ZC4H2: variants seen among roughly 807,000 people sequenced by gnomAD.
ZC4H2 encodes the protein zinc finger C4H2-type containing.
For synonymous variants in ZC4H2, 84 were observed against 66.3 expected (o/e 1.27, Z -1.30); for missense variants, 137 against 173.9 (o/e 0.79, Z 1.19).
rs755622188 is a variant in ZC4H2 at position 65,030,300 on chromosome X, T to C, written c.-272+4329A>G. Among the ~76,000 whole-genome samples, 3 of 109,949 alleles carry C rather than the reference T, an allele frequency of 2.7e-5. No individual in the cohort carries two copies. The Admixed American group carries it at 2.9e-4, about 11-fold the overall frequency. ...ACCCAGCTAATTTTTGTATTTTTTT[T>C]TGTACAGACCGGGTTTTGCTACATT... On this transcript the variant is annotated intron_variant, in intron 1 of 4. Transcript: ENST00000337990.
chrX:64,934,301 A>G (rs973618870), intron 1 of ZC4H2, among the ~76,000 whole-genome samples: 1 of 112,470 alleles, frequency 8.9e-6, no homozygotes, highest in African/African-American at 3.2e-5. Context: ...GGGCCTGAAG[A>G]TTCAATTTTT....
At chrX:64,949,765 T>C (rs1930704276) in intron 1 of ZC4H2, among the ~76,000 whole-genome samples, 1 of 111,532 alleles carries the variant, frequency 9.0e-6, no homozygotes, top group Admixed American at 9.5e-5. Context: ...TTGCTATCGG[T>C]CCATCAATTT....
At chrX:64,986,205 A>C (rs1476355911) in intron 1 of ZC4H2, among the ~76,000 whole-genome samples, 1 of 112,567 alleles carries the variant, frequency 8.9e-6, no homozygotes, top group East Asian at 2.8e-4. Flanking sequence ...GATCAAAGAA[A>C]TGCAACAAGA....
At chrX:64,987,768 T>A (rs1175153879) in intron 1 of ZC4H2, among the ~76,000 whole-genome samples, 1 of 108,604 alleles carries the variant, frequency 9.2e-6, no homozygotes, top group African/African-American at 3.4e-5. Context: ...AGTTTTAGGG[T>A]ACATGTGCAC....
chrX:64,988,603 T>A (rs1337834852), intron 1 of ZC4H2, among the ~76,000 whole-genome samples: 3 of 111,222 alleles, frequency 2.7e-5, no homozygotes, highest in Non-Finnish European at 5.7e-5. Flanking sequence ...CTTATAAATT[T>A]GAATTCATTG....
intron 1 of ZC4H2, among the ~76,000 whole-genome samples, chrX:64,936,511 G>A (rs781756490): frequency 9.0e-6 from 1 of 111,665 alleles, no homozygotes; most frequent in East Asian, 2.8e-4. Flanking sequence ...AAATGTTAAG[G>A]GAAGCCAGAG....
chrX:65,028,235 T>C (rs1278835208), intron 1 of ZC4H2, among the ~76,000 whole-genome samples: 1 of 111,409 alleles, frequency 9.0e-6, no homozygotes, highest in Non-Finnish European at 1.9e-5. Context: ...GAAGAGGATA[T>C]ACAAATTCAT....
Position 64,916,504 on chromosome X carries a change from A to G in ZC4H2, c.*1279T>C, listed in dbSNP as rs988351448. On this transcript the variant is annotated 3_prime_UTR_variant, in exon 5 of 5. Transcript: ENST00000374839. Reference sequence around the variant, plus strand: ...TCTTACTTTCAAAGAGCAGAGGAACATTTTATATAGTGAACACATACACAC... The same window carrying G: ...TCTTACTTTCAAAGAGCAGAGGAACGTTTTATATAGTGAACACATACACAC... 9 of 112,300 alleles carry G rather than the reference A, an allele frequency of 8.0e-5. No homozygotes were observed. The highest frequency in any genetic ancestry group is 3.8e-5 in the Non-Finnish European group (2 of 53,256). 9.3% of individuals were successfully genotyped at this position (112,300 alleles called of 1,213,427 possible). A position where few individuals can be genotyped will look rare whatever the true frequency, so the allele number is the denominator to read the frequency against.
intron 1 of ZC4H2, among the ~76,000 whole-genome samples, chrX:64,972,982 A>T (rs1418265188): frequency 8.9e-6 from 1 of 111,914 alleles, no homozygotes; most frequent in African/African-American, 3.2e-5. Context: ...CTTTTGGAAC[A>T]CACACATTTG....
chrX:64,928,653 T>A (rs950608881), intron 1 of ZC4H2, among the ~76,000 whole-genome samples: 1 of 96,533 alleles, frequency 1.0e-5, no homozygotes, highest in African/African-American at 3.7e-5. Context: ...TTCTTCTTCT[T>A]CTTCTTCTTC....
At chrX:64,946,123 C>T (rs1215829577) in intron 1 of ZC4H2, among the ~76,000 whole-genome samples, 1 of 109,532 alleles carries the variant, frequency 9.1e-6, no homozygotes, top group Non-Finnish European at 1.9e-5. Context: ...GTGCCCCTGG[C>T]GTGTGGGAAA....
intron 1 of ZC4H2, among the ~76,000 whole-genome samples, chrX:65,011,428 G>A (rs982227185): frequency 1.2e-4 from 13 of 111,382 alleles, no homozygotes; most frequent in African/African-American, 3.9e-4. Context: ...TGGATTTAGC[G>A]AGGCCCTGGG....
intron 1 of ZC4H2, among the ~76,000 whole-genome samples, chrX:65,016,120 C>A (rs961735401): frequency 9.0e-6 from 1 of 111,548 alleles, no homozygotes; most frequent in Non-Finnish European, 1.9e-5. Context: ...CTGTTAATTG[C>A]CTTCCTAATA....
rs1414882527 is a variant in ZC4H2, at chrX:64,944,219, C to T, written c.54-22231G>A. On this transcript the variant is annotated intron_variant, in intron 1 of 4. Coordinates refer to ENST00000374839, the MANE Select transcript of ZC4H2 (RefSeq NM_018684.4). ...GCAGTGGCGTGATCTCAGCTCACTG[C>T]AAGCGCTGCCTCTCAGGTTCATGCC... 3.9e-5 allele frequency among the ~76,000 whole-genome samples: 4 copies of T among 103,474 alleles called. No homozygotes were observed. In the Admixed American group the frequency reaches 4.2e-4, roughly 11 times the overall value. 89.9% of individuals were successfully genotyped at this position (103,474 alleles called of 115,157 possible).
chrX:64,938,706 A>G (rs1930131096), intron 1 of ZC4H2, among the ~76,000 whole-genome samples: 1 of 112,184 alleles, frequency 8.9e-6, no homozygotes, highest in East Asian at 2.8e-4. Flanking sequence ...ATCTCACTAG[A>G]TGCAGAAAAG....
intron 1 of ZC4H2, among the ~76,000 whole-genome samples, chrX:64,936,099 C>T (rs1270930585): frequency 9.1e-6 from 1 of 109,480 alleles, no homozygotes; most frequent in Non-Finnish European, 1.9e-5. Context: ...GGGATAAAAA[C>T]CATGGCACAA....
intron 1 of ZC4H2, among the ~76,000 whole-genome samples, chrX:65,018,297 G>A (rs1437176895): frequency 2.7e-5 from 3 of 112,485 alleles, no homozygotes; most frequent in Admixed American, 9.4e-5. Context: ...GACACAGAAG[G>A]TGGGTGATTT....
chrX:64,918,070 C>A, intron 4 of ZC4H2, 174 bp from the exon 5 acceptor site: 1 of 521,220 alleles, frequency 1.9e-6, no homozygotes, highest in South Asian at 3.9e-5. Flanking sequence ...GAAGGAAGGA[C>A]ATAACCCAGT....
chrX:64,918,893 C>G, intron 4 of ZC4H2, 149 bp downstream of exon 4: 1 of 686,230 alleles, frequency 1.5e-6, no homozygotes. Context: ...ACACAGCACA[C>G]CCATGTCACC....
Sources: gnomAD v4.1 joint callset for allele counts (sites outside exome capture counted in the v4.1 genomes callset) on GRCh38, gnomAD v4.1.1 for gene constraint, MANE v1.5 for transcripts, NCBI Gene and HGNC (gene_info 2026-07-23, HGNC 2026-07-21) for gene names.